The following KDM2A variants were observed in gnomAD, a reference collection of about 807,000 sequenced individuals.
KDM2A encodes the protein lysine-specific demethylase 2A.
A neutral mutation model predicts 137.3 loss-of-function variants in KDM2A; 3 were observed. The observed-to-expected ratio is 0.02, with a 90% confidence interval of 0.01 to 0.06. KDM2A has a LOEUF of 0.06. Ranked by LOEUF, KDM2A falls within the 10% of genes least tolerant of loss-of-function variation. The pLI is 1.00. For missense variants in KDM2A, 738 were observed against 1,510.6 expected (o/e 0.49, Z 8.48); for synonymous variants, 512 against 541.5 (o/e 0.95, Z 0.76).
intron 10 of KDM2A, among the ~76,000 whole-genome samples, chr11:67,225,292 T>C (rs1858504907): frequency 6.6e-6 from 1 of 152,248 alleles, no homozygotes; most frequent in Non-Finnish European, 1.5e-5. Context: ...TATTCTTGAT[T>C]GCTGAAAATG....
Position 67,208,906 on chromosome 11 carries a change from C to A in KDM2A, c.486+1218C>A, listed in dbSNP as rs1438770067. On this transcript the variant is annotated intron_variant, in intron 6 of 20. Transcript: ENST00000529006. ...TCAGCCTGGGGAATGTCACGAGACC[C>A]CCAAAAATAAAAATAAACATTTTTA... 2.0e-5 allele frequency among the ~76,000 whole-genome samples: 3 copies of A among 151,862 alleles called. No individual in the cohort carries two copies. In the East Asian group the frequency reaches 5.8e-4, roughly 29 times the overall value.
chr11:67,129,381 G>C (rs1219839322), intron 2 of KDM2A, among the ~76,000 whole-genome samples: 4 of 152,168 alleles, frequency 2.6e-5, no homozygotes, highest in Non-Finnish European at 5.9e-5. Flanking sequence ...TTGACGTCAG[G>C]AGTTGAAGAC....
At chr11:67,139,319 A>T (rs1856042027) in intron 2 of KDM2A, among the ~76,000 whole-genome samples, 1 of 150,980 alleles carries the variant, frequency 6.6e-6, no homozygotes, top group African/African-American at 2.4e-5. Flanking sequence ...ATCTCAGCTC[A>T]TTGCAACCTC....
At chr11:67,170,169 A>G (rs1367010580) in intron 2 of KDM2A, among the ~76,000 whole-genome samples, 1 of 152,172 alleles carries the variant, frequency 6.6e-6, no homozygotes, top group African/African-American at 2.4e-5. Flanking sequence ...ACACCTTGTG[A>G]TAGAAAATGC....
intron 2 of KDM2A, among the ~76,000 whole-genome samples, chr11:67,167,246 C>G (rs532875597): frequency 2.4e-4 from 36 of 152,166 alleles, no homozygotes; most frequent in Admixed American, 7.2e-4. Flanking sequence ...GATGCCTTAT[C>G]CTCATCTTGA....
At chr11:67,161,373 A>C (rs1397667675) in intron 2 of KDM2A, among the ~76,000 whole-genome samples, 6 of 152,216 alleles carry the variant, frequency 3.9e-5, no homozygotes, top group Non-Finnish European at 8.8e-5. Flanking sequence ...ACAAATGTTT[A>C]GTTTTCAGTC....
At chr11:67,233,234 G>C (rs1858769213) in intron 12 of KDM2A, among the ~76,000 whole-genome samples, 1 of 150,960 alleles carries the variant, frequency 6.6e-6, no homozygotes, top group Admixed American at 6.6e-5. Flanking sequence ...ATAAATTTAG[G>C]GGGGCCAGGC....
rs139420331 is a variant in KDM2A at position 67,158,142 on chromosome 11, T to C, written c.43-21937T>C. On this transcript the variant is annotated intron_variant, in intron 2 of 20. Transcript: ENST00000529006. ...CCATACACCAGCAACTACGGATCTT[T>C]TTGCTGTCTGTAGTTTTGCCCTTTC... Among the ~76,000 whole-genome samples the C allele has an allele frequency of 3.6e-3, 546 of 151,782 alleles. 3 individuals are homozygous for C. Among genetic ancestry groups the C allele is most frequent in the Middle Eastern group, 0.027 (8 of 294 alleles).
intron 3 of KDM2A, 42 bp from the exon 4 acceptor site, chr11:67,181,278 A>T: frequency 7.5e-7 from 1 of 1,339,602 alleles, no homozygotes; most frequent in Non-Finnish European, 1.1e-6. Flanking sequence ...TATCGTTTTT[A>T]ATTATACCAC....
rs756503460 is a variant in KDM2A at position 67,169,759 on chromosome 11, C to CTCTCTCTCTCTCTCTCT, written c.43-10319_43-10318insCTCTCTCTCTCTCTCTT. Reference sequence around the variant, plus strand: ...TCTCTCTCTCTCTCTCTCTCTCTCTCTTTTTTTTTTTTTTTTGAGACGGAG... The same window carrying CTCTCTCTCTCTCTCTCT: ...TCTCTCTCTCTCTCTCTCTCTCTCTCTCTCTCTCTCTCTCTCTTTTTTTTTTTTTTTTTGAGACGGAG... On this transcript the variant is annotated intron_variant, in intron 2 of 20. Coordinates refer to ENST00000529006, the MANE Select transcript of KDM2A (RefSeq NM_012308.3). Among the ~76,000 whole-genome samples the CTCTCTCTCTCTCTCTCT allele has an allele frequency of 1.5e-3, 97 of 65,692 alleles. 1 individual carries two copies. Among genetic ancestry groups the CTCTCTCTCTCTCTCTCT allele is most frequent in the Middle Eastern group, 0.019 (1 of 54 alleles). 43.1% of individuals were successfully genotyped at this position (65,692 alleles called of 152,430 possible). A position where few individuals can be genotyped will look rare whatever the true frequency, so the allele number is the denominator to read the frequency against.
At chr11:67,124,957 A>G (rs1372966760) in intron 2 of KDM2A, among the ~76,000 whole-genome samples, 1 of 148,590 alleles carries the variant, frequency 6.7e-6, no homozygotes, top group Non-Finnish European at 1.5e-5. Flanking sequence ...TCCCGGGTTC[A>G]CGCCATTCTC....
chr11:67,121,435 T>C (rs1855595211), intron 2 of KDM2A, 77 bp downstream of exon 2: 1 of 1,391,260 alleles, frequency 7.2e-7, no homozygotes, highest in Non-Finnish European at 1.0e-6. Context: ...GTGAATATAC[T>C]GTGAATCTGT....
At chr11:67,180,253 G>T (rs774191825) in intron 3 of KDM2A, 36 bp downstream of exon 3, 9 of 1,602,360 alleles carry the variant, frequency 5.6e-6, no homozygotes, top group Non-Finnish European at 7.7e-6. Flanking sequence ...ACAGTCCTTT[G>T]ATGTGGGAAG....
intron 2 of KDM2A, among the ~76,000 whole-genome samples, chr11:67,138,964 C>T (rs773229399): frequency 6.6e-6 from 1 of 152,170 alleles, no homozygotes; most frequent in African/African-American, 2.4e-5. Flanking sequence ...ATTTTAAAAT[C>T]GTTTCTTCAT....
intron 2 of KDM2A, among the ~76,000 whole-genome samples, chr11:67,157,764 A>AAT (rs56867687): frequency 2.6e-5 from 4 of 151,286 alleles, no homozygotes; most frequent in Non-Finnish European, 4.4e-5. Flanking sequence ...AAAAAAAAAA[A>AAT]CTTGCATTAG....
chr11:67,163,975 G>A (rs533122105), intron 2 of KDM2A, among the ~76,000 whole-genome samples: 1 of 152,200 alleles, frequency 6.6e-6, no homozygotes, highest in South Asian at 2.1e-4. Context: ...TAGTTAAGTA[G>A]GTCAGACACA....
intron 5 of KDM2A, among the ~76,000 whole-genome samples, chr11:67,201,246 A>T (rs758617834): frequency 2.0e-5 from 3 of 151,418 alleles, no homozygotes; most frequent in Non-Finnish European, 4.4e-5. Flanking sequence ...ATATATATAT[A>T]TTTCATAAGG....
chr11:67,216,290 G>A (rs548166965), intron 8 of KDM2A, among the ~76,000 whole-genome samples: 1 of 152,276 alleles, frequency 6.6e-6, no homozygotes, highest in South Asian at 2.1e-4. Flanking sequence ...ATAGTGGAAG[G>A]GAACACGAAT....
intron 10 of KDM2A, among the ~76,000 whole-genome samples, chr11:67,223,752 G>C (rs1309000000): frequency 6.6e-6 from 1 of 151,982 alleles, no homozygotes; most frequent in African/African-American, 2.4e-5. Flanking sequence ...GCTTTCAACT[G>C]ATTTCCAGAG....
Sources: gnomAD v4.1 joint callset for allele counts (sites outside exome capture counted in the v4.1 genomes callset) on GRCh38, gnomAD v4.1.1 for gene constraint, MANE v1.5 for transcripts, NCBI Gene and HGNC (gene_info 2026-07-23, HGNC 2026-07-21) for gene names.